CHMP4A: variants seen among roughly 807,000 people sequenced by gnomAD.
CHMP4A encodes charged multivesicular body protein 4A, also known as SNF7 homolog associated with Alix-2.
In CHMP4A, 29 loss-of-function variants were observed where a neutral mutation model predicts 28.2. The ratio of observed to expected loss-of-function variants is 1.03; its 90% CI spans 0.77 to 1.40. The LOEUF (loss-of-function observed/expected upper bound fraction) is 1.40, where lower values mean the gene tolerates loss of function less well. Ranked by LOEUF, CHMP4A falls within the 40% of genes most tolerant of loss-of-function variation. CHMP4A has a pLI of 0.00. For synonymous variants in CHMP4A, 88 were observed against 99.3 expected (o/e 0.89, Z 0.67); for missense variants, 241 against 263.5 (o/e 0.91, Z 0.59).
At position 24,211,687 on chromosome 14, in the gene CHMP4A, A is replaced by C. The variant is rs752178530; in HGVS notation, c.174T>G (p.Asn58Lys). The change falls in exon 2 of 6, where the codon AAT (asparagine) becomes AAG (lysine). Residue 58 changes from asparagine to lysine, a missense_variant. Physicochemically the swap from Asn to Lys is moderately conservative, Grantham distance 94. Coordinates refer to ENST00000347519, the MANE Select transcript of CHMP4A (RefSeq NM_014169.5). ...GCTTGTTTCCCTCATTACCTCTCTTATTCTTGGTCCCATACTTCTTGGCTG... is the reference window on the plus strand; with the variant it reads ...GCTTGTTTCCCTCATTACCTCTCTTCTTCTTGGTCCCATACTTCTTGGCTG... ...LQTAKKYGTKNKRAALQALRR... is the reference protein window; with the variant it reads ...LQTAKKYGTKKKRAALQALRR... 3.1e-6 allele frequency: 5 copies of C among 1,613,904 alleles called. No individual in the cohort carries two copies. Among genetic ancestry groups the C allele is most frequent in the Non-Finnish European group, 4.2e-6 (5 of 1,179,936 alleles).
intron 1 of CHMP4A, 192 bp downstream of exon 1, chr14:24,213,216 GC>G: frequency 1.7e-6 from 1 of 587,706 alleles, no homozygotes; most frequent in Non-Finnish European, 2.8e-6. Flanking sequence ...GGAACAAGGC[GC>G]CCCGACATGG....
At position 24,211,677 on chromosome 14, in the gene CHMP4A, T is replaced by A; in HGVS notation, c.181+3A>T. 2 of 1,613,866 alleles carry A rather than the reference T, an allele frequency of 1.2e-6. No homozygotes were observed. Among genetic ancestry groups the A allele is most frequent in the Non-Finnish European group, 1.7e-6 (2 of 1,179,870 alleles). On this transcript the variant is annotated splice_donor_region_variant and intron_variant, in intron 2 of 5. Transcript: ENST00000347519. The stretch of plus-strand genomic sequence containing the variant: ...CTCCCCATAGGCTTGTTTCCCTCAT[T>A]ACCTCTCTTATTCTTGGTCCCATAC...
At position 24,210,792 on chromosome 14, in the gene CHMP4A, G is replaced by A. The variant is rs756096425; in HGVS notation, c.360-24C>T. Reference sequence around the variant, plus strand: ...CCCTGAGAATGAGATAGATAGCTAAGAAATCACGCAACAATGCCCCCTTGA... The same window carrying A: ...CCCTGAGAATGAGATAGATAGCTAAAAAATCACGCAACAATGCCCCCTTGA... On this transcript the variant is annotated intron_variant, in intron 3 of 5. Transcript: ENST00000347519. The A allele has an allele frequency of 1.9e-6, 3 of 1,556,742 alleles. No individual in the cohort carries two copies. The South Asian group carries it at 3.3e-5, about 17-fold the overall frequency.
rs201257287 is a variant in CHMP4A at position 24,210,316 on chromosome 14, A to T, written c.610+32T>A. The T allele has an allele frequency of 2.0e-5, 32 of 1,607,960 alleles. No individual in the cohort carries two copies. The Admixed American group carries it at 3.7e-4, about 19-fold the overall frequency. ...TCCCCATATCTCTCCCACCCTCTTA[A>T]GTCCTCAAGACAACAGAACAACCCT... is the stretch of plus-strand genomic sequence containing the variant. On this transcript the variant is annotated intron_variant, in intron 5 of 5. Coordinates refer to ENST00000347519, the MANE Select transcript of CHMP4A (RefSeq NM_014169.5).
intron 1 of CHMP4A, 90 bp downstream of exon 1, chr14:24,213,319 G>T (rs1053760868): frequency 1.2e-4 from 166 of 1,396,732 alleles, no homozygotes; most frequent in Non-Finnish European, 1.5e-4. Context: ...TCCCCTGCCC[G>T]GCGCAGCGGT....
intron 4 of CHMP4A, 85 bp from the exon 5 acceptor site, chr14:24,210,568 A>T: frequency 6.3e-7 from 1 of 1,595,512 alleles, no homozygotes; most frequent in South Asian, 1.1e-5. Context: ...TCCCTCCCAA[A>T]CTTGTCCCAA....
intron 4 of CHMP4A, 62 bp from the exon 5 acceptor site, chr14:24,210,545 C>A (rs1409318649): frequency 6.2e-7 from 1 of 1,601,390 alleles, no homozygotes; most frequent in Admixed American, 1.7e-5. Flanking sequence ...CAAAAACATA[C>A]CACTTTTGAA....
rs2039590436 is a variant in CHMP4A, at chr14:24,211,514, T to C, written c.260A>G (p.Glu87Gly). Residue 87 changes from glutamate to glycine, a missense_variant, in exon 3 of 6, where the codon GAG (glutamate) becomes GGG (glycine). Physicochemically the swap from Glu to Gly is moderately conservative, Grantham distance 98 (BLOSUM62 -2). Coordinates refer to ENST00000347519, the MANE Select transcript of CHMP4A (RefSeq NM_014169.5). ...ATTCTCAATGGCCTCACGCTGAAAC[T>C]CCAGGGTGGATAATGTCCCGTCAGT... ...AQTDGTLSTLEFQREAIENAT... is the reference protein window; with the variant it reads ...AQTDGTLSTLGFQREAIENAT... 1.2e-6 allele frequency: 2 copies of C among 1,614,096 alleles called. No individual in the cohort carries two copies. Among genetic ancestry groups the C allele is most frequent in the Non-Finnish European group, 1.7e-6 (2 of 1,180,002 alleles).
chr14:24,211,800 C>CTTCAGGGGTTG lies in CHMP4A; in HGVS notation c.50_60dup (p.Glu21GlnfsTer10). 1 of 1,614,002 alleles carries CTTCAGGGGTTG rather than the reference C, an allele frequency of 6.2e-7. No individual in the cohort carries two copies. Among genetic ancestry groups the CTTCAGGGGTTG allele is most frequent in the Non-Finnish European group, 8.5e-7 (1 of 1,179,994 alleles). Reference sequence around the variant, plus strand: ...GTCTCCTTCAGTTTCTGTATTGCTTCTTCAGGGGTTGGCCCTTTCTCCTTC... The same window carrying CTTCAGGGGTTG: ...GTCTCCTTCAGTTTCTGTATTGCTTCTTCAGGGGTTGTTCAGGGGTTGGCCCTTTCTCCTTC... On this transcript the variant is annotated frameshift_variant, in exon 2 of 6. Coordinates refer to ENST00000347519, the MANE Select transcript of CHMP4A (RefSeq NM_014169.5). LOFTEE classifies it high-confidence loss of function.
intron 1 of CHMP4A, chr14:24,212,722 A>ATTTTTTTTT: frequency 6.6e-6 from 1 of 151,570 alleles, no homozygotes; most frequent in Non-Finnish European, 1.4e-5. Context: ...CAACCAGCTA[A>ATTTTTTTTT]TTTTTTTTTT....
At chr14:24,213,274 CG>C in intron 1 of CHMP4A, 134 bp downstream of exon 1, 1 of 1,117,868 alleles carries the variant, frequency 8.9e-7, no homozygotes, top group Non-Finnish European at 1.2e-6. Context: ...CATCGGCCGC[CG>C]GGGTTTTCCA....
intron 1 of CHMP4A, 133 bp from the exon 2 acceptor site, chr14:24,211,962 A>G: frequency 5.6e-6 from 4 of 712,526 alleles, no homozygotes; most frequent in Non-Finnish European, 8.8e-6. Context: ...TGAACGTGCT[A>G]TCTCTTCACT....
At chr14:24,212,787 G>T (rs2039608204) in intron 1 of CHMP4A, 1 of 159,394 alleles carries the variant, frequency 6.3e-6, no homozygotes, top group Non-Finnish European at 1.4e-5. Flanking sequence ...GGCTGGTCTC[G>T]AACTCTTGAC....
intron 1 of CHMP4A, chr14:24,212,442 A>G: frequency 4.2e-6 from 1 of 240,758 alleles, no homozygotes; most frequent in Admixed American, 5.5e-5. Context: ...GCCAGAGTGC[A>G]GTGGCATGAT....
chr14:24,212,525 C>T, intron 1 of CHMP4A: 1 of 375,330 alleles, frequency 2.7e-6, no homozygotes, highest in South Asian at 2.1e-5. Flanking sequence ...GTAGCTGGGA[C>T]TACAGGCACA....
At chr14:24,212,574 G>C in intron 1 of CHMP4A, 1 of 381,596 alleles carries the variant, frequency 2.6e-6, no homozygotes, top group Non-Finnish European at 5.0e-6. Flanking sequence ...TTTTTTTTGA[G>C]AATGGAGTCT....
intron 1 of CHMP4A, 145 bp from the exon 2 acceptor site, chr14:24,211,974 TA>T (rs1303151815): frequency 1.1e-5 from 7 of 655,606 alleles, no homozygotes; most frequent in African/African-American, 1.8e-5. Flanking sequence ...CTCTTCACTT[TA>T]AAAATGTGAA....
Position 24,210,395 on chromosome 14 carries a change from G to A in CHMP4A, c.563C>T (p.Ser188Leu), listed in dbSNP as rs2039581459. ...LNVGDKEEEP[S>L]VKLPSVPSTH... ...AGAAGGTACACTAGGCAATTTGACTGAGGGTTCTTCTTCCTTGTCGCCCAC... is the reference window on the plus strand; with the variant it reads ...AGAAGGTACACTAGGCAATTTGACTAAGGGTTCTTCTTCCTTGTCGCCCAC... Residue 188 changes from serine (S) to leucine (L), a missense_variant, in exon 5 of 6, where the codon TCA becomes TTA. Transcript: ENST00000347519. 5 of 1,614,030 alleles carry A rather than the reference G, an allele frequency of 3.1e-6. No individual in the cohort carries two copies. The highest frequency in any genetic ancestry group is 2.2e-5 in the East Asian group (1 of 44,882).
In CHMP4A at chr14:24,211,575, G is replaced by T. The variant is rs145042317; in HGVS notation, c.199C>A (p.Arg67=). 4.3e-6 allele frequency: 7 copies of T among 1,612,824 alleles called. No homozygotes were observed. In the South Asian group the frequency reaches 7.7e-5, roughly 18 times the overall value. Residue 67 remains arginine (R), a synonymous_variant, in exon 3 of 6, where the codon CGG becomes AGG. Transcript: ENST00000347519. Reference sequence around the variant, plus strand: ...TGCTGTTCGAATCTTTTCTTCCTCCGCAAAGCCTGTAGGGCAGCTGACCCA... The same window carrying T: ...TGCTGTTCGAATCTTTTCTTCCTCCTCAAAGCCTGTAGGGCAGCTGACCCA... ...KNKRAALQAL[R]RKKRFEQQLA...
Sources: allele counts gnomAD v4.1 joint callset, GRCh38; gene constraint gnomAD v4.1.1; transcripts MANE v1.5; gene names NCBI Gene and HGNC (gene_info 2026-07-23, HGNC 2026-07-21).